Variants in REEP5 observed in about 807,000 individuals in gnomAD.
The protein encoded by REEP5 is receptor expression-enhancing protein 5.
A neutral mutation model predicts 22.4 loss-of-function variants in REEP5; 24 were observed. The ratio of observed to expected loss-of-function variants is 1.07; its 90% CI spans 0.78 to 1.51. The LOEUF is 1.51. Ranked by LOEUF, REEP5 falls within the 40% of genes most tolerant of loss-of-function variation. REEP5 has a pLI of 0.00. For synonymous variants in REEP5, 103 were observed against 88.6 expected (o/e 1.16, Z -0.92); for missense variants, 252 against 233.0 (o/e 1.08, Z -0.53).
At chr5:112,916,971 G>A (rs1769245565) in intron 2 of REEP5, among the ~76,000 whole-genome samples, 2 of 152,148 alleles carry the variant, frequency 1.3e-5, no homozygotes, top group African/African-American at 4.8e-5. Flanking sequence ...CAGATTTCAG[G>A]AGTCATACAA....
intron 2 of REEP5, among the ~76,000 whole-genome samples, chr5:112,918,966 C>G (rs1769289212): frequency 6.6e-6 from 1 of 152,212 alleles, no homozygotes; most frequent in Non-Finnish European, 1.5e-5. Context: ...GGGTAGACTG[C>G]TCATTCAACA....
At chr5:112,905,386 C>T (rs1017241831) in intron 2 of REEP5, among the ~76,000 whole-genome samples, 1 of 151,848 alleles carries the variant, frequency 6.6e-6, no homozygotes, top group Admixed American at 6.6e-5. Context: ...ACTAAAAATA[C>T]AAAAATTAGC....
intron 3 of REEP5, among the ~76,000 whole-genome samples, chr5:112,900,918 A>G (rs1025056234): frequency 6.7e-6 from 1 of 150,072 alleles, no homozygotes; most frequent in African/African-American, 2.5e-5. Context: ...GTTCACTGCA[A>G]CCTCTGCATC....
chr5:112,901,389 A>G (rs929028927), intron 3 of REEP5, among the ~76,000 whole-genome samples: 5 of 152,198 alleles, frequency 3.3e-5, no homozygotes, highest in African/African-American at 1.2e-4. Context: ...TTATAATGTA[A>G]TCATGGAGTA....
At chr5:112,886,200 T>C (rs575039782) in intron 4 of REEP5, among the ~76,000 whole-genome samples, 2 of 152,172 alleles carry the variant, frequency 1.3e-5, no homozygotes, top group Non-Finnish European at 1.5e-5. Context: ...CGTCACAGAG[T>C]GTACAGTCCT....
chr5:112,878,671 C>A lies in REEP5; in HGVS notation c.*115G>T, dbSNP rs1182501716. On this transcript the variant is annotated 3_prime_UTR_variant, in exon 5 of 5. Transcript: ENST00000379638. ...TACAACACATTCCAATCTTTAATAT[C>A]TCAAAAATGTTTCCAAGGCAACATT... The A allele has an allele frequency of 1.4e-6, 2 of 1,426,754 alleles. No individual in the cohort carries two copies. Among genetic ancestry groups the A allele is most frequent in the East Asian group, 2.3e-5 (1 of 42,992 alleles). 88.4% of individuals were successfully genotyped at this position (1,426,754 alleles called of 1,614,324 possible).
At chr5:112,879,265 A>C (rs1387270612) in intron 4 of REEP5, among the ~76,000 whole-genome samples, 1 of 149,310 alleles carries the variant, frequency 6.7e-6, no homozygotes, top group Admixed American at 6.7e-5. Context: ...CCATGGCGAC[A>C]AATCAGAGAA....
At position 112,878,610 on chromosome 5, in the gene REEP5, C is replaced by G; in HGVS notation, c.*176G>C. On this transcript the variant is annotated 3_prime_UTR_variant, in exon 5 of 5. Coordinates refer to ENST00000379638, the MANE Select transcript of REEP5 (RefSeq NM_005669.5). Reference sequence around the variant, plus strand: ...CACTGCATTAAGTTTAAAGTGCTCCCTATATATATAGACAGTAAAAGTAAG... The same window carrying G: ...CACTGCATTAAGTTTAAAGTGCTCCGTATATATATAGACAGTAAAAGTAAG... 1 of 925,398 alleles carries G rather than the reference C, an allele frequency of 1.1e-6. No individual in the cohort carries two copies. Among genetic ancestry groups the G allele is most frequent in the South Asian group, 1.9e-5 (1 of 52,256 alleles). 57.3% of individuals were successfully genotyped at this position (925,398 alleles called of 1,614,324 possible).
intron 3 of REEP5, among the ~76,000 whole-genome samples, chr5:112,889,483 T>C (rs750149848): frequency 1.3e-5 from 2 of 150,866 alleles, no homozygotes; most frequent in Non-Finnish European, 2.9e-5. Context: ...TCACCAAGAA[T>C]ATTAAAATTC....
At chr5:112,889,825 A>T (rs1472211408) in intron 3 of REEP5, among the ~76,000 whole-genome samples, 1 of 131,888 alleles carries the variant, frequency 7.6e-6, no homozygotes, top group Admixed American at 7.4e-5. Flanking sequence ...CTAGGAAAAA[A>T]AAAATTTTTT....
intron 3 of REEP5, among the ~76,000 whole-genome samples, 171 bp downstream of exon 3, chr5:112,902,209 C>CA (rs1768864970): frequency 1.1e-5 from 1 of 90,694 alleles, no homozygotes; most frequent in Non-Finnish European, 2.0e-5. Context: ...CTTGCTTGAG[C>CA]ATTTTTTTGT....
intron 3 of REEP5, among the ~76,000 whole-genome samples, chr5:112,899,446 G>A (rs1177592705): frequency 6.6e-6 from 1 of 152,056 alleles, no homozygotes; most frequent in African/African-American, 2.4e-5. Flanking sequence ...CAACTGTCCT[G>A]TATAACTTTT....
rs1410342159 is a variant in REEP5 at position 112,877,330 on chromosome 5, T to G, written c.*1456A>C. On this transcript the variant is annotated 3_prime_UTR_variant, in exon 5 of 5. Coordinates refer to ENST00000379638, the MANE Select transcript of REEP5 (RefSeq NM_005669.5). ...TTGCCTTAAAAAATACTGTACTGGC[T>G]GGATATTTAATCTTGTTAGTTTAGT... is the stretch of plus-strand genomic sequence containing the variant. The G allele has an allele frequency of 6.6e-6, 1 of 152,240 alleles. No homozygotes were observed. The highest frequency in any genetic ancestry group is 1.5e-5 in the Non-Finnish European group (1 of 68,040). 9.4% of individuals were successfully genotyped at this position (152,240 alleles called of 1,614,324 possible).
rs56335744 is a variant in REEP5 at position 112,914,089 on chromosome 5, G to A, written c.212+7074C>T. ...CTTGAGAAAGTCAAGGCTGCAGTGAGCTGTGTTCATGCCATTGCACTCAGC... is the reference window on the plus strand; with the variant it reads ...CTTGAGAAAGTCAAGGCTGCAGTGAACTGTGTTCATGCCATTGCACTCAGC... On this transcript the variant is annotated intron_variant, in intron 2 of 4. Coordinates refer to ENST00000379638, the MANE Select transcript of REEP5 (RefSeq NM_005669.5). Among the ~76,000 whole-genome samples the A allele has an allele frequency of 5.8e-3, 881 of 151,346 alleles. 5 individuals carry two copies. Among genetic ancestry groups the A allele is most frequent in the Admixed American group, 0.01 (158 of 15,186 alleles).
chr5:112,896,458 G>A (rs2150042198), intron 3 of REEP5: 1 of 152,196 alleles, frequency 6.6e-6, no homozygotes, highest in East Asian at 1.9e-4. Flanking sequence ...GGGAAGTACA[G>A]GTTGCAGTGA....
chr5:112,884,675 G>A (rs1768179922), intron 4 of REEP5, among the ~76,000 whole-genome samples: 1 of 151,924 alleles, frequency 6.6e-6, no homozygotes, highest in African/African-American at 2.4e-5. Context: ...CTGAGTCACT[G>A]TTCCTGATTC....
intron 2 of REEP5, among the ~76,000 whole-genome samples, chr5:112,915,021 C>A (rs1487569282): frequency 2.0e-5 from 3 of 152,176 alleles, no homozygotes; most frequent in African/African-American, 7.2e-5. Context: ...TTATGAATCA[C>A]CACTAAATAC....
chr5:112,907,897 G>T (rs1421030882), intron 2 of REEP5, among the ~76,000 whole-genome samples: 1 of 152,112 alleles, frequency 6.6e-6, no homozygotes, highest in African/African-American at 2.4e-5. Context: ...TTTAAAAAAA[G>T]ATGTTTTTAT....
Position 112,889,728 on chromosome 5 carries a change from C to T in REEP5, c.352-2545G>A, listed in dbSNP as rs546591724. Among the ~76,000 whole-genome samples the T allele has an allele frequency of 5.3e-5, 8 of 150,496 alleles. No homozygotes were observed. In the South Asian group the frequency reaches 1.7e-3, roughly 32 times the overall value. On this transcript the variant is annotated intron_variant, in intron 3 of 4. Coordinates refer to ENST00000379638, the MANE Select transcript of REEP5 (RefSeq NM_005669.5). ...TACTAGCCAGGCTTACACCTGTAAT[C>T]CCAGCACTTTGGGAGGCTGAGGTTG...
Sources: gnomAD v4.1 joint callset for allele counts (sites outside exome capture counted in the v4.1 genomes callset) on GRCh38, gnomAD v4.1.1 for gene constraint, MANE v1.5 for transcripts, NCBI Gene and HGNC (gene_info 2026-07-23, HGNC 2026-07-21) for gene names.